The following XRRA1 variants were observed in gnomAD, a reference collection of about 807,000 sequenced individuals.
XRRA1 encodes X-ray radiation resistance-associated protein 1.
In XRRA1, 69 loss-of-function variants were observed where a neutral mutation model predicts 80.2. The observed-to-expected ratio is 0.86, with a 90% CI of 0.71 to 1.05. The LOEUF (loss-of-function observed/expected upper bound fraction) is 1.05. XRRA1 is among the 50% of genes least tolerant of loss of function. XRRA1 has a pLI of 0.00. For synonymous variants in XRRA1, 348 were observed against 389.9 expected (o/e 0.89, Z 1.27); for missense variants, 967 against 976.4 (o/e 0.99, Z 0.13).
chr11:74,889,051 G>A (rs1176618962), intron 10 of XRRA1, among the ~76,000 whole-genome samples: 3 of 152,162 alleles, frequency 2.0e-5, no homozygotes, highest in Non-Finnish European at 4.4e-5. Context: ...GAAATACACA[G>A]AACGCCACAA....
chr11:74,882,064 G>A (rs1293742299), intron 10 of XRRA1, among the ~76,000 whole-genome samples: 2 of 148,876 alleles, frequency 1.3e-5, no homozygotes, highest in Non-Finnish European at 3.0e-5. Context: ...TGCCTTGCTA[G>A]ATTGGGGAAG....
intron 10 of XRRA1, among the ~76,000 whole-genome samples, chr11:74,866,981 G>A (rs552045732): frequency 4.6e-5 from 7 of 152,198 alleles, no homozygotes; most frequent in East Asian, 1.9e-4. Flanking sequence ...GGGTGTGCAC[G>A]TACCCCACCA....
At chr11:74,845,305 CTCAT>C (rs753326460) in intron 15 of XRRA1, 34 bp from the exon 16 acceptor site, 49 of 1,569,108 alleles carry the variant, frequency 3.1e-5, no homozygotes, top group Non-Finnish European at 3.7e-5. Context: ...TCATTTGTCA[CTCAT>C]TCATTCATTC....
At chr11:74,889,326 A>G (rs1274778217) in intron 10 of XRRA1, among the ~76,000 whole-genome samples, 1 of 152,194 alleles carries the variant, frequency 6.6e-6, no homozygotes, top group Admixed American at 6.5e-5. Context: ...TGAAGGAGAA[A>G]TAAAATCCTT....
rs1308506384 is a variant in XRRA1, at chr11:74,937,001, T to G, written c.162A>C (p.Ala54=). The change falls in exon 4 of 19, where the codon GCA becomes GCC. Residue 54 remains alanine (A), a synonymous_variant. Transcript: ENST00000684022. ...LKKKPKGLVG[A]QAERRESLKA... is the part of the protein sequence containing the mutation. Reference sequence around the variant, plus strand: ...TCAGGCTTTCCCGACGTTCAGCTTGTGCTCCAACCAAACCCTTGGGCTTCT... The same window carrying G: ...TCAGGCTTTCCCGACGTTCAGCTTGGGCTCCAACCAAACCCTTGGGCTTCT... The G allele has an allele frequency of 6.2e-7, 1 of 1,613,934 alleles. No individual in the cohort carries two copies. Among genetic ancestry groups the G allele is most frequent in the Non-Finnish European group, 8.5e-7 (1 of 1,179,896 alleles).
At chr11:74,930,525 T>A (rs2139398510) in intron 5 of XRRA1, among the ~76,000 whole-genome samples, 153 bp from the exon 6 acceptor site, 1 of 152,280 alleles carries the variant, frequency 6.6e-6, no homozygotes, top group East Asian at 1.9e-4. Context: ...TTGAGTGCTG[T>A]AAGGGTTTTC....
chr11:74,921,163 T>C, intron 8 of XRRA1, 51 bp downstream of exon 8: 1 of 1,599,214 alleles, frequency 6.3e-7, no homozygotes, highest in South Asian at 1.1e-5. Flanking sequence ...GCTATTTCCT[T>C]GGATATTTGT....
chr11:74,850,748 C>T lies in XRRA1; in HGVS notation c.1380+340G>A, dbSNP rs140864527. 2.1e-3 allele frequency: 339 copies of T among 160,850 alleles called. 3 individuals carry two copies. In the Middle Eastern group the frequency reaches 0.042, roughly 20 times the overall value. 10.0% of individuals were successfully genotyped at this position (160,850 alleles called of 1,614,324 possible). A position where few individuals can be genotyped will look rare whatever the true frequency, so the allele number is the denominator to read the frequency against. ...TTGTAGAGACAAGGTCTCACCCAGG[C>T]TGGTCTCAAACTCCTGCCCTCAAGC... On this transcript the variant is annotated intron_variant, in intron 14 of 18. Transcript: ENST00000684022.
intron 5 of XRRA1, among the ~76,000 whole-genome samples, chr11:74,932,562 C>T (rs1002329408): frequency 1.3e-5 from 2 of 152,146 alleles, no homozygotes; most frequent in African/African-American, 2.4e-5. Context: ...TTGGTGAGCA[C>T]GTGAGTGAAT....
intron 8 of XRRA1, among the ~76,000 whole-genome samples, 156 bp downstream of exon 8, chr11:74,921,058 G>A (rs566804249): frequency 5.3e-5 from 8 of 152,310 alleles, no homozygotes; most frequent in Non-Finnish European, 8.8e-5. Context: ...AATTGGGGGC[G>A]TGTGTCTGAG....
chr11:74,864,487 C>T (rs2042970291), intron 10 of XRRA1, among the ~76,000 whole-genome samples: 1 of 152,182 alleles, frequency 6.6e-6, no homozygotes, highest in Non-Finnish European at 1.5e-5. Context: ...CCTGGTGGAT[C>T]CCAAGACATT....
intron 8 of XRRA1, among the ~76,000 whole-genome samples, chr11:74,913,059 G>A (rs561418607): frequency 8.8e-4 from 134 of 152,320 alleles, no homozygotes; most frequent in Non-Finnish European, 1.6e-3. Context: ...GCCAAAGTCT[G>A]TTTCACAATG....
At chr11:74,898,811 G>T (rs1042650789) in intron 10 of XRRA1, among the ~76,000 whole-genome samples, 3 of 152,110 alleles carry the variant, frequency 2.0e-5, no homozygotes, top group Admixed American at 6.5e-5. Flanking sequence ...GTAATAGCTG[G>T]AGACTTCAAC....
chr11:74,854,455 T>C (rs897100060), intron 12 of XRRA1, among the ~76,000 whole-genome samples: 1 of 152,266 alleles, frequency 6.6e-6, no homozygotes, highest in Middle Eastern at 3.2e-3. Flanking sequence ...CTGTTGCAGC[T>C]ATTCAATTTT....
At chr11:74,860,274 G>A (rs540306350) in intron 11 of XRRA1, among the ~76,000 whole-genome samples, 99 of 152,322 alleles carry the variant, frequency 6.5e-4, no homozygotes, top group Non-Finnish European at 7.2e-4. Context: ...CAGATGACTC[G>A]CCTCTCCCAG....
chr11:74,856,645 C>G (rs2041176036), intron 12 of XRRA1, among the ~76,000 whole-genome samples: 1 of 152,110 alleles, frequency 6.6e-6, no homozygotes, highest in Non-Finnish European at 1.5e-5. Flanking sequence ...TAGAGTAAAC[C>G]CCTTTAAGCT....
intron 3 of XRRA1, among the ~76,000 whole-genome samples, chr11:74,939,875 G>C (rs111292463): frequency 2.7e-4 from 41 of 152,304 alleles, no homozygotes; most frequent in African/African-American, 9.6e-4. Flanking sequence ...GAGAGCAAGA[G>C]AGAGAGAGAG....
chr11:74,886,217 TCAGG>T (rs1195116371), intron 10 of XRRA1, among the ~76,000 whole-genome samples: 1 of 152,052 alleles, frequency 6.6e-6, no homozygotes, highest in Admixed American at 6.6e-5. Flanking sequence ...GCCAGAGCAA[TCAGG>T]CAGGAGAAAG....
intron 14 of XRRA1, among the ~76,000 whole-genome samples, chr11:74,848,868 T>C (rs1313923213): frequency 3.9e-5 from 6 of 152,182 alleles, no homozygotes; most frequent in Non-Finnish European, 8.8e-5. Context: ...GGGTTGAACA[T>C]GGTGCCTATG....
Sources: gnomAD v4.1 joint callset for allele counts (sites outside exome capture counted in the v4.1 genomes callset) on GRCh38, gnomAD v4.1.1 for gene constraint, MANE v1.5 for transcripts, NCBI Gene and HGNC (gene_info 2026-07-23, HGNC 2026-07-21) for gene names.